Variants in TRIO observed in about 807,000 individuals in gnomAD.
The protein encoded by TRIO is triple functional domain protein.
In TRIO, 58 loss-of-function variants were observed where a neutral mutation model predicts 351.9. The observed-to-expected ratio is 0.16, with a 90% CI of 0.13 to 0.21. The LOEUF is 0.21. Among genes scored for constraint, TRIO ranks in the 10% least tolerant of loss-of-function variants. The pLI is 1.00. For missense variants in TRIO, 3,201 were observed against 4,027.8 expected (o/e 0.79, Z 5.56); for synonymous variants, 1,758 against 1,595.7 (o/e 1.10, Z -2.42).
At chr5:14,202,985 A>G (rs148112064) in intron 1 of TRIO, among the ~76,000 whole-genome samples, 1 of 152,176 alleles carries the variant, frequency 6.6e-6, no homozygotes, top group African/African-American at 2.4e-5. Flanking sequence ...CACTCAGTCA[A>G]CCTACAGTCA....
intron 11 of TRIO, among the ~76,000 whole-genome samples, chr5:14,346,708 G>A (rs778447277): frequency 3.9e-5 from 6 of 152,248 alleles, no homozygotes; most frequent in Non-Finnish European, 7.3e-5. Flanking sequence ...GGTGGAATTA[G>A]TGGGCAGGCA....
chr5:14,312,395 C>G (rs1053078540), intron 8 of TRIO, among the ~76,000 whole-genome samples: 1 of 152,158 alleles, frequency 6.6e-6, no homozygotes, highest in Admixed American at 6.5e-5. Flanking sequence ...TTAGTACTTG[C>G]ATTTTTCTGA....
chr5:14,397,321 A>G lies in TRIO; in HGVS notation c.4423+167A>G, dbSNP rs1747692085. ...TTGCTTTTCTTGAGGACCACATAAAATGTTTCTATACTCATTGAAAGCCTT... is the reference window on the plus strand; with the variant it reads ...TTGCTTTTCTTGAGGACCACATAAAGTGTTTCTATACTCATTGAAAGCCTT... On this transcript the variant is annotated intron_variant, in intron 29 of 56. Transcript: ENST00000344204. 13 of 604,036 alleles carry G rather than the reference A, an allele frequency of 2.2e-5. No homozygotes were observed. In the South Asian group the frequency reaches 2.7e-4, roughly 13 times the overall value. 37.4% of individuals were successfully genotyped at this position (604,036 alleles called of 1,614,324 possible). A position where few individuals can be genotyped will look rare whatever the true frequency, so the allele number is the denominator to read the frequency against.
intron 8 of TRIO, 36 bp downstream of exon 8, chr5:14,304,628 A>G: frequency 6.3e-7 from 1 of 1,592,328 alleles, no homozygotes; most frequent in Non-Finnish European, 8.5e-7. Flanking sequence ...GCAAAGCAGC[A>G]TCATTTTTGC....
At chr5:14,356,801 C>T (rs1743650140) in intron 11 of TRIO, among the ~76,000 whole-genome samples, 1 of 152,070 alleles carries the variant, frequency 6.6e-6, no homozygotes, top group Non-Finnish European at 1.5e-5. Context: ...AGGAACGAAC[C>T]CTTGATACAC....
intron 35 of TRIO, among the ~76,000 whole-genome samples, 159 bp from the exon 36 acceptor site, chr5:14,462,596 G>A (rs976492977): frequency 6.6e-6 from 1 of 152,228 alleles, no homozygotes; most frequent in Non-Finnish European, 1.5e-5. Context: ...CTATTGGGTA[G>A]CAGGAAGAGA....
intron 1 of TRIO, among the ~76,000 whole-genome samples, chr5:14,177,245 T>C (rs77004936): frequency 0.017 from 2,523 of 151,920 alleles, 23 homozygotes; most frequent in Non-Finnish European, 0.022. Flanking sequence ...CCACCACTTT[T>C]AAGTTTTGCT....
intron 1 of TRIO, among the ~76,000 whole-genome samples, chr5:14,199,561 C>T (rs759137810): frequency 1.3e-5 from 2 of 152,200 alleles, no homozygotes; most frequent in Non-Finnish European, 2.9e-5. Context: ...AGGATCAGCT[C>T]TGCTCCTGGT....
intron 1 of TRIO, among the ~76,000 whole-genome samples, chr5:14,201,398 TA>T (rs921603892): frequency 6.6e-6 from 1 of 152,150 alleles, no homozygotes; most frequent in Non-Finnish European, 1.5e-5. Context: ...AGCAGCTTTT[TA>T]AAAAAAATTA....
chr5:14,172,601 G>C (rs576439310), intron 1 of TRIO, among the ~76,000 whole-genome samples: 1 of 152,204 alleles, frequency 6.6e-6, no homozygotes, highest in Non-Finnish European at 1.5e-5. Flanking sequence ...AATAACAGGG[G>C]GGATGATATC....
intron 1 of TRIO, among the ~76,000 whole-genome samples, chr5:14,243,333 T>C (rs1367614701): frequency 1.3e-5 from 2 of 152,008 alleles, no homozygotes. Flanking sequence ...TTTTTTTAAG[T>C]TAGATTTAAA....
chr5:14,222,098 T>A (rs757943746), intron 1 of TRIO, among the ~76,000 whole-genome samples: 14 of 151,678 alleles, frequency 9.2e-5, no homozygotes, highest in Admixed American at 2.6e-4. Context: ...GCAAAAAGAT[T>A]ACGACTCTCT....
intron 1 of TRIO, among the ~76,000 whole-genome samples, chr5:14,177,709 A>T (rs1161577755): frequency 6.6e-6 from 1 of 152,194 alleles, no homozygotes; most frequent in Admixed American, 6.5e-5. Flanking sequence ...TCCTGCCCAG[A>T]GGTCTCCCAC....
At chr5:14,331,321 G>A (rs1161614769) in intron 10 of TRIO, among the ~76,000 whole-genome samples, 1 of 152,144 alleles carries the variant, frequency 6.6e-6, no homozygotes, top group Non-Finnish European at 1.5e-5. Flanking sequence ...TCCGAATGTG[G>A]GATTTGTGGG....
intron 48 of TRIO, 103 bp from the exon 49 acceptor site, chr5:14,492,464 C>CG (rs1273388431): frequency 6.6e-7 from 1 of 1,514,206 alleles, no homozygotes; most frequent in Non-Finnish European, 9.0e-7. Flanking sequence ...GAGCCCTGCA[C>CG]GGGGTCATGG....
At chr5:14,380,471 C>G (rs1746003629) in intron 20 of TRIO, among the ~76,000 whole-genome samples, 1 of 152,218 alleles carries the variant, frequency 6.6e-6, no homozygotes, top group African/African-American at 2.4e-5. Context: ...CCTTGCCCCT[C>G]TGCTCCAGGG....
At chr5:14,495,656 T>TAA (rs1756828970) in intron 49 of TRIO, among the ~76,000 whole-genome samples, 1 of 27,434 alleles carries the variant, frequency 3.6e-5, no homozygotes, top group African/African-American at 3.4e-4. Flanking sequence ...CCGTCTCTAC[T>TAA]AGAAAAAAAA....
At chr5:14,301,613 C>T (rs553506956) in intron 7 of TRIO, among the ~76,000 whole-genome samples, 2 of 152,228 alleles carry the variant, frequency 1.3e-5, no homozygotes, top group Middle Eastern at 3.4e-3. Context: ...GAGGGAAGTA[C>T]CAGTCCCCCC....
chr5:14,245,409 T>A (rs999388204), intron 1 of TRIO, among the ~76,000 whole-genome samples: 15 of 152,326 alleles, frequency 9.8e-5, no homozygotes, highest in African/African-American at 3.6e-4. Flanking sequence ...AGTTTCTTAT[T>A]CAGGGGAGTG....
Sources: allele counts gnomAD v4.1 joint callset (sites outside exome capture counted in the v4.1 genomes callset), GRCh38; gene constraint gnomAD v4.1.1; transcripts MANE v1.5; gene names NCBI Gene and HGNC (gene_info 2026-07-23, HGNC 2026-07-21).